SLC25A12: variants seen among roughly 807,000 people sequenced by gnomAD.
SLC25A12 encodes solute carrier family 25 member 12, also known as electrogenic aspartate/glutamate antiporter SLC25A12, mitochondrial.
Under a neutral mutation model 83.3 loss-of-function variants are expected in SLC25A12, and 32 were observed. The ratio of observed to expected loss-of-function variants is 0.38; its 90% CI spans 0.29 to 0.52. The LOEUF (loss-of-function observed/expected upper bound fraction) is 0.52. Ranked by LOEUF, SLC25A12 falls within the 20% of genes least tolerant of loss-of-function variation. The pLI, the probability that SLC25A12 is intolerant of heterozygous loss-of-function variation, is 0.84. For synonymous variants in SLC25A12, 267 were observed against 291.1 expected (o/e 0.92, Z 0.84); for missense variants, 611 against 835.6 (o/e 0.73, Z 3.31).
intron 9 of SLC25A12, among the ~76,000 whole-genome samples, chr2:171,818,219 A>G (rs1254894906): frequency 6.6e-6 from 1 of 152,180 alleles, no homozygotes; most frequent in African/African-American, 2.4e-5. Flanking sequence ...GGCTGAAGGA[A>G]AACACTCAGC....
At chr2:171,831,387 A>G (rs1473947605) in intron 8 of SLC25A12, among the ~76,000 whole-genome samples, 2 of 152,344 alleles carry the variant, frequency 1.3e-5, no homozygotes, top group East Asian at 3.9e-4. Context: ...ATCAGAAATT[A>G]CTTTAGTAGG....
In SLC25A12 at chr2:171,791,471, A is replaced by G; in HGVS notation, c.1565T>C (p.Leu522Pro). ...GTTACCTGCCATGGCTCCAGCTGCA[A>G]GAAGATTTAAACCTCCCACGTGTCC... is the stretch of plus-strand genomic sequence containing the variant. ...ENGHVGGLNL[L>P]AAGAMAGVPA... Residue 522 changes from leucine to proline, a missense_variant, in exon 15 of 18, where the codon CTT (leucine) becomes CCT (proline). Leu to Pro is a moderately conservative substitution (Grantham distance 98, BLOSUM62 -3). Transcript: ENST00000422440. 6.2e-7 allele frequency: 1 copy of G among 1,614,208 alleles called. No individual in the cohort carries two copies. The highest frequency in any genetic ancestry group is 2.2e-5 in the East Asian group (1 of 44,890).
intron 2 of SLC25A12, among the ~76,000 whole-genome samples, chr2:171,871,101 C>A (rs1327116703): frequency 6.6e-6 from 1 of 152,110 alleles, no homozygotes; most frequent in Non-Finnish European, 1.5e-5. Flanking sequence ...ATGCAGGATG[C>A]TGAGGAGGGA....
intron 3 of SLC25A12, 54 bp from the exon 4 acceptor site, chr2:171,856,003 C>T (rs1685037405): frequency 1.0e-5 from 10 of 955,968 alleles, no homozygotes; most frequent in African/African-American, 3.2e-5. Context: ...AAGCATCAGG[C>T]ATTTAATCTG....
chr2:171,825,393 G>C (rs977219370), intron 9 of SLC25A12, among the ~76,000 whole-genome samples: 2 of 152,060 alleles, frequency 1.3e-5, no homozygotes, highest in African/African-American at 4.8e-5. Flanking sequence ...TAGAAGAAAG[G>C]TTTCCTAACC....
chr2:171,886,227 T>A (rs1179486160), intron 2 of SLC25A12, among the ~76,000 whole-genome samples: 1 of 144,192 alleles, frequency 6.9e-6, no homozygotes, highest in Non-Finnish European at 1.5e-5. Context: ...TTTAATATAA[T>A]AGCTTTTTTT....
intron 2 of SLC25A12, among the ~76,000 whole-genome samples, chr2:171,875,540 T>G (rs1685545716): frequency 6.6e-6 from 1 of 152,078 alleles, no homozygotes; most frequent in African/African-American, 2.4e-5. Flanking sequence ...AATTCCTGTT[T>G]GGTACCATGT....
chr2:171,885,338 T>C (rs1685794928), intron 2 of SLC25A12, among the ~76,000 whole-genome samples: 1 of 151,600 alleles, frequency 6.6e-6, no homozygotes, highest in Non-Finnish European at 1.5e-5. Flanking sequence ...ACTGTTCTTT[T>C]TTTTTTTAAT....
intron 2 of SLC25A12, among the ~76,000 whole-genome samples, chr2:171,891,834 G>A (rs1004577794): frequency 2.0e-5 from 3 of 151,994 alleles, no homozygotes; most frequent in Non-Finnish European, 2.9e-5. Context: ...CTTCTGTTCT[G>A]GAAAAAAATA....
chr2:171,792,050 A>G (rs1242490784), intron 14 of SLC25A12, among the ~76,000 whole-genome samples: 3 of 152,108 alleles, frequency 2.0e-5, no homozygotes, highest in Admixed American at 6.6e-5. Context: ...GAGCAGGGGG[A>G]AAAGAAACCC....
intron 17 of SLC25A12, 142 bp from the exon 18 acceptor site, chr2:171,785,617 T>A: frequency 1.3e-6 from 1 of 741,894 alleles, no homozygotes; most frequent in Non-Finnish European, 2.4e-6. Flanking sequence ...GCTGCATGAC[T>A]AGAAACCACA....
intron 2 of SLC25A12, among the ~76,000 whole-genome samples, chr2:171,882,367 A>G (rs1289945445): frequency 6.6e-6 from 1 of 152,162 alleles, no homozygotes; most frequent in Admixed American, 6.5e-5. Context: ...CTTCTAGTAC[A>G]TGGGTTTTCT....
Position 171,844,427 on chromosome 2 carries a change from T to C in SLC25A12, c.407A>G (p.His136Arg). The C allele has an allele frequency of 6.2e-7, 1 of 1,613,972 alleles. No individual in the cohort carries two copies. The highest frequency in any genetic ancestry group is 8.5e-7 in the Non-Finnish European group (1 of 1,179,888). Reference sequence around the variant, plus strand: ...ATGCTTCTTCCGGTTATGCCCAAAATGCAGTCGGATAAATTCACAATCCCA... The same window carrying C: ...ATGCTTCTTCCGGTTATGCCCAAAACGCAGTCGGATAAATTCACAATCCCA... ...FNWDCEFIRL[H>R]FGHNRKKHLN... The change falls in exon 5 of 18, where the codon CAT (histidine) becomes CGT (arginine). Residue 136 changes from histidine to arginine, a missense_variant. Physicochemically the swap from His to Arg is conservative, Grantham distance 29. Around this residue, in one of 3 missense-constraint regions of SLC25A12, gnomAD observed 540 missense variants for 777.5 expected, o/e 0.69. Coordinates refer to ENST00000422440, the MANE Select transcript of SLC25A12 (RefSeq NM_003705.5).
chr2:171,867,592 G>A (rs1685362774), intron 3 of SLC25A12, among the ~76,000 whole-genome samples: 1 of 152,178 alleles, frequency 6.6e-6, no homozygotes. Flanking sequence ...GCTTCGGCTC[G>A]GCATCAGAGG....
At chr2:171,814,974 C>T (rs1212157175) in intron 10 of SLC25A12, 147 bp downstream of exon 10, 5 of 693,514 alleles carry the variant, frequency 7.2e-6, no homozygotes, top group African/African-American at 1.8e-5. Context: ...GTCTCCTGAT[C>T]ATAGGTAAAA....
At chr2:171,883,091 A>T (rs958422946) in intron 2 of SLC25A12, among the ~76,000 whole-genome samples, 5 of 152,236 alleles carry the variant, frequency 3.3e-5, no homozygotes, top group African/African-American at 4.8e-5. Context: ...TTATATGTAC[A>T]TAATCATAAA....
chr2:171,813,104 G>A (rs1403629796), intron 11 of SLC25A12, among the ~76,000 whole-genome samples: 1 of 151,916 alleles, frequency 6.6e-6, no homozygotes, highest in Non-Finnish European at 1.5e-5. Context: ...ACATAATTTG[G>A]ACACCAAGAA....
rs185248818 is a variant in SLC25A12 at position 171,863,297 on chromosome 2, G to A, written c.209+5384C>T. On this transcript the variant is annotated intron_variant, in intron 3 of 17. Coordinates refer to ENST00000422440, the MANE Select transcript of SLC25A12 (RefSeq NM_003705.5). ...TCCCAGCTCTTTGGGAGACCGAGGCGGGCAGATCACAAGGTCAGGAGTTCG... is the reference window on the plus strand; with the variant it reads ...TCCCAGCTCTTTGGGAGACCGAGGCAGGCAGATCACAAGGTCAGGAGTTCG... Among the ~76,000 whole-genome samples the A allele has an allele frequency of 9.9e-5, 15 of 152,218 alleles. No individual in the cohort carries two copies. The East Asian group carries it at 2.5e-3, about 25-fold the overall frequency.
intron 3 of SLC25A12, among the ~76,000 whole-genome samples, chr2:171,865,887 C>A (rs1685282181): frequency 6.6e-6 from 1 of 150,520 alleles, no homozygotes; most frequent in Non-Finnish European, 1.5e-5. Flanking sequence ...GTGTTTCTCG[C>A]AGAGGGGGAT....
Sources: allele counts gnomAD v4.1 joint callset (sites outside exome capture counted in the v4.1 genomes callset), GRCh38; gene constraint gnomAD v4.1.1; regional missense constraint gnomAD v4.1.1; transcripts MANE v1.5; gene names NCBI Gene and HGNC (gene_info 2026-07-23, HGNC 2026-07-21).